Variants in PTPRZ1 observed in about 807,000 individuals in gnomAD.
The protein encoded by PTPRZ1 is protein tyrosine phosphatase receptor type Z1, also known as receptor-type tyrosine-protein phosphatase zeta.
In PTPRZ1, 82 loss-of-function variants were observed where a neutral mutation model predicts 214.1. That is an observed-to-expected ratio of 0.38 (90% CI 0.32 to 0.46). The LOEUF (loss-of-function observed/expected upper bound fraction) is 0.46, where lower values mean the gene tolerates loss of function less well. Among genes scored for constraint, PTPRZ1 ranks in the 20% least tolerant of loss-of-function variants. The probability of loss-of-function intolerance (pLI) is 1.00; values close to 1 mark genes in which losing one functional copy is unlikely to be tolerated. For missense variants in PTPRZ1, 2,603 were observed against 2,748.7 expected, an observed-to-expected ratio of 0.95 and a Z score of 1.19; for synonymous variants, 945 against 987.9, an observed-to-expected ratio of 0.96 and a Z score of 0.81.
chr7:121,988,565 G>C (rs2116583648), intron 8 of PTPRZ1, among the ~76,000 whole-genome samples: 1 of 152,264 alleles, frequency 6.6e-6, no homozygotes, highest in South Asian at 2.1e-4. Flanking sequence ...CCTTGCTTCA[G>C]GGGTGTTTAT....
At chr7:121,983,013 G>A (rs542124447) in intron 6 of PTPRZ1, among the ~76,000 whole-genome samples, 20 of 152,198 alleles carry the variant, frequency 1.3e-4, no homozygotes, top group African/African-American at 4.3e-4. Context: ...TCCTGACTTC[G>A]TGATCCACCC....
chr7:121,873,789 T>G (rs1466335712), intron 1 of PTPRZ1, among the ~76,000 whole-genome samples: 1 of 152,074 alleles, frequency 6.6e-6, no homozygotes, highest in African/African-American at 2.4e-5. Context: ...CCCGCGGGCA[T>G]TCGTGCCCCG....
intron 2 of PTPRZ1, among the ~76,000 whole-genome samples, chr7:121,949,116 G>A (rs952522272): frequency 6.6e-6 from 1 of 152,058 alleles, no homozygotes; most frequent in East Asian, 1.9e-4. Flanking sequence ...GTCTGGAAAG[G>A]TGGGACAACT....
intron 23 of PTPRZ1, 86 bp downstream of exon 23, chr7:122,044,654 A>G: frequency 3.6e-6 from 5 of 1,382,470 alleles, no homozygotes; most frequent in Non-Finnish European, 5.0e-6. Flanking sequence ...GGTCACGTTG[A>G]GTGGGCAGTA....
chr7:121,910,898 T>C (rs972939456), intron 1 of PTPRZ1, among the ~76,000 whole-genome samples: 1 of 152,218 alleles, frequency 6.6e-6, no homozygotes, highest in African/African-American at 2.4e-5. Flanking sequence ...AAGATTCTAG[T>C]ATATGTTATT....
Position 122,044,516 on chromosome 7 carries a change from C to G in PTPRZ1, c.6032C>G (p.Ala2011Gly). The change falls in exon 23 of 30, where the codon GCA (alanine) becomes GGA (glycine). Residue 2011 changes from alanine to glycine, a missense_variant. By Grantham distance (60) the Ala-to-Gly change is moderately conservative (BLOSUM62 0). Coordinates refer to ENST00000393386, the MANE Select transcript of PTPRZ1 (RefSeq NM_002851.3). ...AGTCATATTCATGCCTATGTTAATG[C>G]ACTCCTCATTCCTGGACCAGCAGGC... is the stretch of plus-strand genomic sequence containing the variant. ...LDSHIHAYVN[A>G]LLIPGPAGKT... is the part of the protein sequence containing the mutation. 6.2e-7 allele frequency: 1 copy of G among 1,613,846 alleles called. No individual in the cohort carries two copies. The highest frequency in any genetic ancestry group is 8.5e-7 in the Non-Finnish European group (1 of 1,179,794).
chr7:121,937,309 G>A lies in PTPRZ1; in HGVS notation c.124+9088G>A, dbSNP rs564124226. Among the ~76,000 whole-genome samples, 366 of 152,260 alleles carry A rather than the reference G, an allele frequency of 2.4e-3. 1 individual carries two copies. Among genetic ancestry groups the A allele is most frequent in the South Asian group, 0.011 (52 of 4,820 alleles). On this transcript the variant is annotated intron_variant, in intron 2 of 29. Coordinates refer to ENST00000393386, the MANE Select transcript of PTPRZ1 (RefSeq NM_002851.3). The stretch of plus-strand genomic sequence containing the variant: ...CCAGAATCAAGGGAGAGGCAAGGAG[G>A]AGCCCCTGAGAGACAGGAGACAGTT...
At chr7:121,886,960 AC>A (rs1323200298) in intron 1 of PTPRZ1, among the ~76,000 whole-genome samples, 1 of 152,120 alleles carries the variant, frequency 6.6e-6, no homozygotes, top group East Asian at 1.9e-4. Context: ...GTCCAGCTTT[AC>A]TTGAATCTCC....
chr7:121,995,935 T>C (rs368317715), intron 8 of PTPRZ1, among the ~76,000 whole-genome samples: 34 of 152,338 alleles, frequency 2.2e-4, no homozygotes, highest in African/African-American at 7.5e-4. Context: ...TGAATCTGTA[T>C]GCCAGGTATA....
rs189716005 is a variant in PTPRZ1 at position 121,878,314 on chromosome 7, A to G, written c.58+4757A>G. The stretch of plus-strand genomic sequence containing the variant: ...GGCAATCACATGGGACAGTGCAGAC[A>G]TGGAACATCTCCATCTGGCAGTGTT... On this transcript the variant is annotated intron_variant, in intron 1 of 29. Coordinates refer to ENST00000393386, the MANE Select transcript of PTPRZ1 (RefSeq NM_002851.3). Among the ~76,000 whole-genome samples the G allele has an allele frequency of 1.9e-3, 294 of 152,286 alleles. 5 individuals are homozygous for G. The South Asian group carries it at 0.029, about 15-fold the overall frequency.
At chr7:121,926,724 G>A (rs1038152894) in intron 1 of PTPRZ1, among the ~76,000 whole-genome samples, 4 of 152,100 alleles carry the variant, frequency 2.6e-5, no homozygotes, top group Non-Finnish European at 5.9e-5. Context: ...ATTGTTTGCA[G>A]GAATGATTAC....
chr7:121,937,555 A>T (rs896187692), intron 2 of PTPRZ1, among the ~76,000 whole-genome samples: 1 of 152,136 alleles, frequency 6.6e-6, no homozygotes, highest in Non-Finnish European at 1.5e-5. Flanking sequence ...AGAGGCAGAA[A>T]TGAGAAGAGG....
At chr7:121,917,018 G>C (rs1190277970) in intron 1 of PTPRZ1, among the ~76,000 whole-genome samples, 1 of 152,222 alleles carries the variant, frequency 6.6e-6, no homozygotes, top group Non-Finnish European at 1.5e-5. Context: ...GGAATGTGAA[G>C]CCACTAAAAT....
At position 121,917,463 on chromosome 7, in the gene PTPRZ1, G is replaced by A. The variant is rs565107657; in HGVS notation, c.59-10693G>A. 2.0e-5 allele frequency among the ~76,000 whole-genome samples: 3 copies of A among 152,064 alleles called. No homozygotes were observed. In the East Asian group the frequency reaches 5.8e-4, roughly 29 times the overall value. On this transcript the variant is annotated intron_variant, in intron 1 of 29. Transcript: ENST00000393386. ...ATCAGAAAACAAGTGAATAATTTAT[G>A]ACCAAAAAAACATGCAGGGCACATT...
At chr7:121,881,124 C>T (rs184543406) in intron 1 of PTPRZ1, among the ~76,000 whole-genome samples, 103 of 152,220 alleles carry the variant, frequency 6.8e-4, no homozygotes, top group African/African-American at 2.4e-3. Context: ...GTGAAGCTGT[C>T]ATTGATGGGT....
At chr7:122,060,854 T>C (rs1201910726) in intron 29 of PTPRZ1, among the ~76,000 whole-genome samples, 1 of 152,184 alleles carries the variant, frequency 6.6e-6, no homozygotes, top group Non-Finnish European at 1.5e-5. Flanking sequence ...GGCAAATGTA[T>C]GTAGGTTAAT....
intron 13 of PTPRZ1, 84 bp downstream of exon 13, chr7:122,019,352 A>T: frequency 7.4e-7 from 1 of 1,354,376 alleles, no homozygotes; most frequent in Non-Finnish European, 1.0e-6. Context: ...TTCAAAGCAT[A>T]TTCAAAATGT....
intron 13 of PTPRZ1, among the ~76,000 whole-genome samples, chr7:122,023,393 T>C (rs1799080341): frequency 6.7e-6 from 1 of 149,578 alleles, no homozygotes; most frequent in African/African-American, 2.5e-5. Flanking sequence ...TTTGGGTAGG[T>C]TCACTAGATC....
At chr7:121,878,453 G>A (rs778762183) in intron 1 of PTPRZ1, among the ~76,000 whole-genome samples, 3 of 152,154 alleles carry the variant, frequency 2.0e-5, no homozygotes, top group Admixed American at 1.3e-4. Flanking sequence ...TGAAGTGTTC[G>A]TGCATGTGAG....
Sources: gnomAD v4.1 joint callset for allele counts (sites outside exome capture counted in the v4.1 genomes callset) on GRCh38, gnomAD v4.1.1 for gene constraint, MANE v1.5 for transcripts, NCBI Gene and HGNC (gene_info 2026-07-23, HGNC 2026-07-21) for gene names.